Variants in GRHL2 observed in about 807,000 individuals in gnomAD.
The protein encoded by GRHL2 is grainyhead like transcription factor 2.
Under a neutral mutation model 83.8 loss-of-function variants are expected in GRHL2, and 21 were observed. That is an observed-to-expected ratio of 0.25 (90% CI 0.18 to 0.36). The LOEUF is 0.36. Among genes scored for constraint, GRHL2 ranks in the 10% least tolerant of loss-of-function variants. GRHL2 has a pLI of 1.00. For missense variants in GRHL2, 623 were observed against 781.8 expected, an observed-to-expected ratio of 0.80 and a Z score of 2.42; for synonymous variants, 280 against 278.9, an observed-to-expected ratio of 1.00 and a Z score of -0.04.
intron 1 of GRHL2, among the ~76,000 whole-genome samples, chr8:101,541,994 A>G (rs1261361504): frequency 6.6e-6 from 1 of 152,196 alleles, no homozygotes; most frequent in Non-Finnish European, 1.5e-5. Context: ...GTTGTAGCAC[A>G]GGATCTACAA....
In GRHL2 at chr8:101,509,149, CCTTCCTTCCTTT is replaced by C. The variant is rs1302912930; in HGVS notation, c.20+16364_20+16375del. On this transcript the variant is annotated intron_variant, in intron 1 of 15. Coordinates refer to ENST00000646743, the MANE Select transcript of GRHL2 (RefSeq NM_024915.4). ...TCCTTCCTTCCTTCCTTCCTTCCTT[CCTTCCTTCCTTT>C]CTTTCTTTCTTTTTCTTTCTTTCTT... Among the ~76,000 whole-genome samples, 7 of 25,878 alleles carry C rather than the reference CCTTCCTTCCTTT, an allele frequency of 2.7e-4. 1 individual carries two copies. The highest frequency in any genetic ancestry group is 6.2e-4 in the African/African-American group (6 of 9,650). 17.0% of individuals were successfully genotyped at this position (25,878 alleles called of 152,430 possible). A position where few individuals can be genotyped will look rare whatever the true frequency, so the allele number is the denominator to read the frequency against.
intron 13 of GRHL2, among the ~76,000 whole-genome samples, chr8:101,645,703 C>T (rs1813498721): frequency 6.6e-6 from 1 of 152,120 alleles, no homozygotes; most frequent in Non-Finnish European, 1.5e-5. Context: ...AGGCAGGCAC[C>T]TCCCACATAG....
chr8:101,529,857 A>G (rs984133107), intron 1 of GRHL2, among the ~76,000 whole-genome samples: 1 of 152,086 alleles, frequency 6.6e-6, no homozygotes, highest in African/African-American at 2.4e-5. Flanking sequence ...GGTCCTTTGT[A>G]TATATACAAG....
downstream of GRHL2, among the ~76,000 whole-genome samples, chr8:101,672,791 G>T (rs1814231363): frequency 2.6e-5 from 4 of 151,238 alleles, no homozygotes; most frequent in South Asian, 8.5e-4. Flanking sequence ...AAATGTTAAG[G>T]GCAGCCAGAG....
chr8:101,517,886 A>G (rs946830625), intron 1 of GRHL2, among the ~76,000 whole-genome samples: 3 of 152,060 alleles, frequency 2.0e-5, no homozygotes, highest in Admixed American at 2.0e-4. Context: ...GGGAGAGAGA[A>G]CTCCACATTT....
chr8:101,497,128 T>C (rs1810123628), intron 1 of GRHL2, among the ~76,000 whole-genome samples: 3 of 152,216 alleles, frequency 2.0e-5, no homozygotes, highest in African/African-American at 4.8e-5. Flanking sequence ...TTCCCTACAA[T>C]GGATTAAATC....
At chr8:101,664,556 A>G (rs748471138) in intron 15 of GRHL2, 38 bp downstream of exon 15, 6 of 1,425,734 alleles carry the variant, frequency 4.2e-6, no homozygotes, top group Non-Finnish European at 5.9e-6. Context: ...CTTTCAAATC[A>G]GATAAATCCA....
chr8:101,591,453 G>A (rs561803813), intron 7 of GRHL2, among the ~76,000 whole-genome samples: 1 of 152,258 alleles, frequency 6.6e-6, no homozygotes, highest in Admixed American at 6.5e-5. Context: ...CAAGGAATTT[G>A]CAATGATCCC....
rs370087960 is a variant in GRHL2, at chr8:101,572,660, G to C, written c.735-1008G>C. Among the ~76,000 whole-genome samples the C allele has an allele frequency of 2.0e-5, 3 of 152,088 alleles. No individual in the cohort carries two copies. The East Asian group carries it at 5.8e-4, about 29-fold the overall frequency. On this transcript the variant is annotated intron_variant, in intron 5 of 15. Transcript: ENST00000646743. ...TGTTATTGGATTGTCACTGTGAGCC[G>C]TCCTGCAGTATAGCAGAAATAAATA...
intron 1 of GRHL2, among the ~76,000 whole-genome samples, chr8:101,539,146 A>G (rs1260905943): frequency 6.6e-6 from 1 of 152,146 alleles, no homozygotes; most frequent in African/African-American, 2.4e-5. Flanking sequence ...GTAAATCGAG[A>G]CTTGGCTCTG....
intron 1 of GRHL2, among the ~76,000 whole-genome samples, chr8:101,512,439 C>A (rs1563557869): frequency 6.6e-6 from 1 of 152,006 alleles, no homozygotes; most frequent in Admixed American, 6.6e-5. Context: ...CTTTTTGGTA[C>A]TATTTTAAGA....
At chr8:101,573,518 G>GGTCTC (rs1209872779) in intron 5 of GRHL2, 150 bp from the exon 6 acceptor site, 1 of 873,156 alleles carries the variant, frequency 1.1e-6, no homozygotes, top group African/African-American at 1.7e-5. Flanking sequence ...CCTTTGATCT[G>GGTCTC]GTCTCATCTC....
intron 1 of GRHL2, among the ~76,000 whole-genome samples, chr8:101,507,358 C>T (rs1005536547): frequency 6.6e-5 from 10 of 152,062 alleles, no homozygotes; most frequent in African/African-American, 2.2e-4. Context: ...ATGGATTTTA[C>T]TCATTAAATT....
chr8:101,577,542 G>C (rs755767318), intron 7 of GRHL2, 23 bp downstream of exon 7: 2 of 1,460,924 alleles, frequency 1.4e-6, no homozygotes, highest in Non-Finnish European at 1.9e-6. Context: ...TGACTTCCCT[G>C]TATAGTCCTC....
intron 7 of GRHL2, among the ~76,000 whole-genome samples, chr8:101,588,711 C>T (rs992107840): frequency 3.9e-5 from 6 of 152,248 alleles, no homozygotes; most frequent in Middle Eastern, 3.4e-3. Flanking sequence ...CTGCCAATTA[C>T]CAAAAAGTTA....
intron 1 of GRHL2, among the ~76,000 whole-genome samples, chr8:101,527,034 T>C (rs906989981): frequency 3.3e-5 from 5 of 152,236 alleles, no homozygotes; most frequent in Admixed American, 6.5e-5. Context: ...GTCAGAAGCT[T>C]GAACTTTTGC....
In GRHL2 at chr8:101,639,509, T is replaced by C. The variant is rs554717836; in HGVS notation, c.1517+2581T>C. 1.2e-4 allele frequency among the ~76,000 whole-genome samples: 19 copies of C among 152,300 alleles called. No individual in the cohort carries two copies. In the South Asian group the frequency reaches 3.9e-3, roughly 32 times the overall value. On this transcript the variant is annotated intron_variant, in intron 12 of 15. Coordinates refer to ENST00000646743, the MANE Select transcript of GRHL2 (RefSeq NM_024915.4). ...TGTTCAAAGACACACAGCTGGTAAG[T>C]GATGGAGGCAGGATTTAAACCTGGG...
At chr8:101,678,769 T>C in the GRHL2 span, among the ~76,000 whole-genome samples, 1 of 152,108 alleles carries the variant, frequency 6.6e-6, no homozygotes. Flanking sequence ...AGCGGGTCCT[T>C]GACCCCCAAG....
chr8:101,657,459 C>T (rs1256943031), intron 14 of GRHL2, among the ~76,000 whole-genome samples: 1 of 152,162 alleles, frequency 6.6e-6, no homozygotes, highest in Non-Finnish European at 1.5e-5. Flanking sequence ...TCAAGGAAGT[C>T]TTTGGGGTTT....
Sources: gnomAD v4.1 joint callset for allele counts (sites outside exome capture counted in the v4.1 genomes callset) on GRCh38, gnomAD v4.1.1 for gene constraint, MANE v1.5 for transcripts, NCBI Gene and HGNC (gene_info 2026-07-23, HGNC 2026-07-21) for gene names.